Variants in ADARB2 observed in about 807,000 individuals in gnomAD.
The protein encoded by ADARB2 is inactive double-stranded RNA-specific editase B2.
A neutral mutation model predicts 62.2 loss-of-function variants in ADARB2; 25 were observed. The ratio of observed to expected loss-of-function variants is 0.40; its 90% CI spans 0.29 to 0.56. ADARB2 has a LOEUF of 0.56. ADARB2 is among the 20% of genes least tolerant of loss of function. The probability of loss-of-function intolerance (pLI) is 0.43; values close to 1 mark genes in which losing one functional copy is unlikely to be tolerated. For missense variants in ADARB2, 1,071 were observed against 1,077.4 expected (o/e 0.99, Z 0.08); for synonymous variants, 572 against 500.8 (o/e 1.14, Z -1.90).
intron 3 of ADARB2, among the ~76,000 whole-genome samples, chr10:1,328,410 A>G (rs1831896534): frequency 6.6e-6 from 1 of 152,172 alleles, no homozygotes; most frequent in Non-Finnish European, 1.5e-5. Flanking sequence ...TGTGTTAGGG[A>G]ATTGGTAGAC....
Position 1,621,951 on chromosome 10 carries a change from G to T in ADARB2, c.100+115100C>A, listed in dbSNP as rs371366994. Among the ~76,000 whole-genome samples the T allele has an allele frequency of 3.4e-4, 52 of 152,234 alleles. No homozygotes were observed. In the South Asian group the frequency reaches 6.4e-3, roughly 19 times the overall value. ...TGCAAAAAAATAAAGAAAGAAAAAGGTTGGAAAACTTATACTAGCTGATTT... is the reference window on the plus strand; with the variant it reads ...TGCAAAAAAATAAAGAAAGAAAAAGTTTGGAAAACTTATACTAGCTGATTT... On this transcript the variant is annotated intron_variant, in intron 1 of 9. Transcript: ENST00000381312.
chr10:1,612,913 A>T (rs1167154826), intron 1 of ADARB2, among the ~76,000 whole-genome samples: 1 of 152,198 alleles, frequency 6.6e-6, no homozygotes, highest in Non-Finnish European at 1.5e-5. Context: ...GGTTGTAGTG[A>T]TTAGTAGCTG....
chr10:1,629,747 GT>G (rs1363561373), intron 1 of ADARB2, among the ~76,000 whole-genome samples: 1 of 151,994 alleles, frequency 6.6e-6, no homozygotes, highest in Non-Finnish European at 1.5e-5. Context: ...CCTACAGCTT[GT>G]AACCTGAGAC....
intron 1 of ADARB2, chr10:1,394,952 G>T (rs1430204967): frequency 2.2e-6 from 1 of 454,854 alleles, no homozygotes; most frequent in East Asian, 7.0e-5. Flanking sequence ...ACAAGATCTT[G>T]CTCTGTCCCC....
intron 1 of ADARB2, among the ~76,000 whole-genome samples, chr10:1,526,229 G>C (rs1401203281): frequency 6.6e-6 from 1 of 151,998 alleles, no homozygotes; most frequent in East Asian, 1.9e-4. Context: ...GGGGTAGGTG[G>C]GGCAGGTGGG....
In ADARB2 at chr10:1,419,636, T is replaced by C. The variant is rs750350775; in HGVS notation, c.101-40476A>G. Among the ~76,000 whole-genome samples, 171 of 152,288 alleles carry C rather than the reference T, an allele frequency of 1.1e-3. 4 individuals carry two copies. Among genetic ancestry groups the C allele is most frequent in the Admixed American group, 1.2e-3 (19 of 15,300 alleles). On this transcript the variant is annotated intron_variant, in intron 1 of 9. Transcript: ENST00000381312. ...TAAATTAAGCCTGATATAGAGATGTTTGTGGGTTTTATTAAAGTCTCATGA... is the reference window on the plus strand; with the variant it reads ...TAAATTAAGCCTGATATAGAGATGTCTGTGGGTTTTATTAAAGTCTCATGA...
At chr10:1,452,291 A>G (rs1455946985) in intron 1 of ADARB2, among the ~76,000 whole-genome samples, 3 of 152,202 alleles carry the variant, frequency 2.0e-5, no homozygotes, top group African/African-American at 7.2e-5. Flanking sequence ...ATGGCCCACA[A>G]AAATCAGCTC....
At chr10:1,195,340 A>G (rs959484996) in intron 8 of ADARB2, among the ~76,000 whole-genome samples, 8 of 149,238 alleles carry the variant, frequency 5.4e-5, no homozygotes, top group Admixed American at 5.3e-4. Context: ...CTCCAGCTTT[A>G]CAGAACCTTC....
At position 1,270,400 on chromosome 10, in the gene ADARB2, G is replaced by A. The variant is rs1304424402; in HGVS notation, c.1192+555C>T. The stretch of plus-strand genomic sequence containing the variant: ...CGTGAAAAACTCTGGAAATGGAAAT[G>A]GTTGAATTCAAATAACCAGCTGGCT... On this transcript the variant is annotated intron_variant, in intron 4 of 9. Coordinates refer to ENST00000381312, the MANE Select transcript of ADARB2 (RefSeq NM_018702.4). 2.6e-5 allele frequency among the ~76,000 whole-genome samples: 4 copies of A among 152,196 alleles called. No homozygotes were observed. In the South Asian group the frequency reaches 8.3e-4, roughly 31 times the overall value.
intron 4 of ADARB2, among the ~76,000 whole-genome samples, chr10:1,262,843 T>G (rs1213522755): frequency 1.3e-5 from 2 of 152,168 alleles, no homozygotes; most frequent in East Asian, 1.9e-4. Flanking sequence ...TATGTTTATT[T>G]TGGCACTATT....
intron 3 of ADARB2, among the ~76,000 whole-genome samples, chr10:1,318,087 G>GGCAAT (rs1210648194): frequency 1.3e-5 from 2 of 152,146 alleles, no homozygotes; most frequent in Admixed American, 1.3e-4. Flanking sequence ...TGCATAGCTG[G>GGCAAT]GCAATTTAAG....
chr10:1,532,143 C>G (rs750978490), intron 1 of ADARB2, among the ~76,000 whole-genome samples: 1 of 152,132 alleles, frequency 6.6e-6, no homozygotes, highest in Non-Finnish European at 1.5e-5. Context: ...TGTATCAGCC[C>G]GCACCATTCC....
At chr10:1,320,337 G>T (rs1459911752) in intron 3 of ADARB2, among the ~76,000 whole-genome samples, 2 of 152,206 alleles carry the variant, frequency 1.3e-5, no homozygotes, top group African/African-American at 4.8e-5. Flanking sequence ...TGAAGGCAGT[G>T]ATTTGTCCAA....
intron 1 of ADARB2, among the ~76,000 whole-genome samples, chr10:1,522,760 C>T (rs1306549748): frequency 6.6e-6 from 1 of 152,198 alleles, no homozygotes. Context: ...TCAGTAGCCT[C>T]TAAAGACTGT....
chr10:1,356,615 G>A (rs1483504157), intron 3 of ADARB2, among the ~76,000 whole-genome samples: 1 of 152,208 alleles, frequency 6.6e-6, no homozygotes, highest in South Asian at 2.1e-4. Flanking sequence ...TTCCAGGGAA[G>A]CCTTAGGGCT....
At chr10:1,290,721 A>C (rs1225793315) in intron 3 of ADARB2, 1 of 152,240 alleles carries the variant, frequency 6.6e-6, no homozygotes, top group Admixed American at 6.5e-5. Flanking sequence ...TATGTAAAGT[A>C]GTCGTCCACA....
At chr10:1,688,145 G>A (rs937535915) in intron 1 of ADARB2, among the ~76,000 whole-genome samples, 9 of 152,202 alleles carry the variant, frequency 5.9e-5, no homozygotes, top group African/African-American at 1.9e-4. Context: ...GTGCTGATTC[G>A]TATTTTTGGA....
Position 1,426,455 on chromosome 10 carries a change from A to G in ADARB2, c.101-47295T>C, listed in dbSNP as rs1025917177. Among the ~76,000 whole-genome samples, 18 of 152,028 alleles carry G rather than the reference A, an allele frequency of 1.2e-4. No individual in the cohort carries two copies. Among genetic ancestry groups the G allele is most frequent in the African/African-American group, 4.1e-4 (17 of 41,384 alleles). On this transcript the variant is annotated intron_variant, in intron 1 of 9. Transcript: ENST00000381312. This position sits in a 1 kb window ranked among gnomAD's most constrained non-coding sequence, Gnocchi z 4.1. Reference sequence around the variant, plus strand: ...CCCTCTTCTGCGTGGCGATTTGGAGAACACAGTCAGCATGCACACACATCA... The same window carrying G: ...CCCTCTTCTGCGTGGCGATTTGGAGGACACAGTCAGCATGCACACACATCA...
intron 1 of ADARB2, among the ~76,000 whole-genome samples, chr10:1,536,560 G>T (rs1433012213): frequency 6.6e-6 from 1 of 152,182 alleles, no homozygotes; most frequent in South Asian, 2.1e-4. Context: ...ATCTGGCACC[G>T]GACGGTGGCC....
Sources: allele counts gnomAD v4.1 joint callset (sites outside exome capture counted in the v4.1 genomes callset), GRCh38; gene constraint gnomAD v4.1.1; non-coding constraint Gnocchi (gnomAD v3.1); transcripts MANE v1.5; gene names NCBI Gene and HGNC (gene_info 2026-07-23, HGNC 2026-07-21).